NOSTRIN: variants seen among roughly 807,000 people sequenced by gnomAD.
The protein encoded by NOSTRIN is BM247 homolog.
In NOSTRIN, 63 loss-of-function variants were observed where a neutral mutation model predicts 59.0. That is an observed-to-expected ratio of 1.07 (90% confidence interval 0.87 to 1.32). The LOEUF is 1.32. NOSTRIN is among the 40% of genes most tolerant of loss of function. The pLI is 0.00. For missense variants in NOSTRIN, 512 were observed against 473.1 expected (o/e 1.08, Z -0.76); for synonymous variants, 200 against 165.4 (o/e 1.21, Z -1.61).
chr2:168,797,079 C>CTTTTCTTTTTTTTTTTTTT (rs1553519713), upstream of NOSTRIN, among the ~76,000 whole-genome samples: 12 of 75,052 alleles, frequency 1.6e-4, no homozygotes, highest in Non-Finnish European at 2.7e-4. Flanking sequence ...TTTCTTTTTT[C>CTTTTCTTTTTTTTTTTTTT]TTTTTTTTTT....
At chr2:168,832,522 A>G (rs1018144010) in intron 6 of NOSTRIN, among the ~76,000 whole-genome samples, 3 of 152,192 alleles carry the variant, frequency 2.0e-5, no homozygotes, top group Non-Finnish European at 4.4e-5. Context: ...CCAAATAACT[A>G]GAGACAGACG....
At chr2:168,855,817 GT>G in intron 11 of NOSTRIN, 2 of 442,238 alleles carry the variant, frequency 4.5e-6, no homozygotes, top group Admixed American at 2.7e-5. Flanking sequence ...TTTTGGATGA[GT>G]TTTTTGGTTT....
At chr2:168,803,116 A>G (rs759199861) in intron 1 of NOSTRIN, among the ~76,000 whole-genome samples, 5 of 152,186 alleles carry the variant, frequency 3.3e-5, no homozygotes, top group Non-Finnish European at 5.9e-5. Context: ...GTCAAGGATC[A>G]CAAGTCCTGC....
intron 2 of NOSTRIN, among the ~76,000 whole-genome samples, chr2:168,813,430 C>T (rs1686248549): frequency 6.6e-6 from 1 of 152,150 alleles, no homozygotes; most frequent in South Asian, 2.1e-4. Flanking sequence ...CTGCTTGAAG[C>T]CTGTCTCACT....
At chr2:168,858,204 A>G (rs982215989) in intron 12 of NOSTRIN, among the ~76,000 whole-genome samples, 2 of 152,260 alleles carry the variant, frequency 1.3e-5, no homozygotes, top group African/African-American at 4.8e-5. Context: ...TCTCACCTGA[A>G]GCACACAGTG....
chr2:168,827,960 G>A (rs182266094), intron 3 of NOSTRIN, among the ~76,000 whole-genome samples, 198 bp from the exon 4 acceptor site: 5 of 152,210 alleles, frequency 3.3e-5, no homozygotes, highest in Non-Finnish European at 7.4e-5. Flanking sequence ...TGGGAAAAAA[G>A]CAGTATATAT....
chr2:168,795,021 C>CA (rs1264169739), upstream of NOSTRIN, among the ~76,000 whole-genome samples: 4 of 152,214 alleles, frequency 2.6e-5, no homozygotes, highest in African/African-American at 7.2e-5. Flanking sequence ...CAGTTGCTGT[C>CA]ACAGGAAAAA....
intron 11 of NOSTRIN, 123 bp from the exon 12 acceptor site, chr2:168,856,567 T>G (rs2105777687): frequency 1.4e-6 from 1 of 734,754 alleles, no homozygotes; most frequent in Non-Finnish European, 2.2e-6. Flanking sequence ...AGAGCAAGAC[T>G]CCGTCTTAAA....
intron 2 of NOSTRIN, among the ~76,000 whole-genome samples, chr2:168,792,044 A>G (rs907377944): frequency 2.0e-5 from 3 of 152,110 alleles, no homozygotes; most frequent in Non-Finnish European, 4.4e-5. Context: ...TGTTTTAGAC[A>G]TGAAGTCCTT....
intron 2 of NOSTRIN, among the ~76,000 whole-genome samples, chr2:168,818,542 A>C (rs1250053048): frequency 6.6e-6 from 1 of 152,270 alleles, no homozygotes; most frequent in African/African-American, 2.4e-5. Context: ...TTAGTTTTAC[A>C]AAAGCAGGAT....
chr2:168,830,939 A>C (rs1193900648), intron 5 of NOSTRIN, among the ~76,000 whole-genome samples: 1 of 152,182 alleles, frequency 6.6e-6, no homozygotes, highest in Non-Finnish European at 1.5e-5. Flanking sequence ...GATTAGAAAT[A>C]ATTATTTTAC....
In NOSTRIN at chr2:168,855,335, C is replaced by T. The variant is rs1689014450; in HGVS notation, c.856-17C>T. 7.2e-7 allele frequency: 1 copy of T among 1,381,198 alleles called. No individual in the cohort carries two copies. The highest frequency in any genetic ancestry group is 1.3e-5 in the South Asian group (1 of 78,972). 85.6% of individuals were successfully genotyped at this position (1,381,198 alleles called of 1,614,324 possible). On this transcript the variant is annotated splice_polypyrimidine_tract_variant and intron_variant, in intron 10 of 15. Coordinates refer to ENST00000317647, the MANE Select transcript of NOSTRIN (RefSeq NM_001039724.4). ...TACTTCTTCCCCCTTGTTAGACATC[C>T]TTCTTTTTTCCTAAAGGAAGAAGAT...
At chr2:168,794,265 C>G (rs543776674), upstream of NOSTRIN, among the ~76,000 whole-genome samples, 3 of 151,836 alleles carry the variant, frequency 2.0e-5, no homozygotes, top group Non-Finnish European at 4.4e-5. Context: ...TGAAAGAACT[C>G]GTGTTTTTCA....
chr2:168,805,533 T>C (rs1185959766), intron 1 of NOSTRIN, among the ~76,000 whole-genome samples: 3 of 152,216 alleles, frequency 2.0e-5, no homozygotes, highest in Non-Finnish European at 2.9e-5. Flanking sequence ...AAAGTATTAA[T>C]AGCACCTTCC....
chr2:168,811,414 C>T (rs1006091770), intron 1 of NOSTRIN, 153 bp from the exon 2 acceptor site: 2 of 407,714 alleles, frequency 4.9e-6, no homozygotes, highest in East Asian at 4.0e-5. Flanking sequence ...ATTTTAAGAA[C>T]TCATCCAAAA....
At chr2:168,842,346 A>G (rs755127257) in intron 7 of NOSTRIN, among the ~76,000 whole-genome samples, 30 of 152,112 alleles carry the variant, frequency 2.0e-4, no homozygotes, top group Non-Finnish European at 3.2e-4. Flanking sequence ...CTGAATTCTC[A>G]AAGCAACCCG....
intron 4 of NOSTRIN, 93 bp from the exon 5 acceptor site, chr2:168,828,327 A>G (rs1687167437): frequency 1.2e-6 from 1 of 864,282 alleles, no homozygotes; most frequent in Non-Finnish European, 2.0e-6. Flanking sequence ...TAGGTGTTCC[A>G]TAACACACTA....
chr2:168,844,322 A>G (rs1347212991), intron 8 of NOSTRIN, among the ~76,000 whole-genome samples: 1 of 152,192 alleles, frequency 6.6e-6, no homozygotes, highest in Non-Finnish European at 1.5e-5. Context: ...TGACCAAATT[A>G]AATAACTATC....
rs145671985 is a variant in NOSTRIN, at chr2:168,804,022, A to T, written c.27+1349A>T. Reference sequence around the variant, plus strand: ...TGGCACTAATAGTAACCAAAGAAGAAAATTAACACCAGGGAAGGGTGCAAT... The same window carrying T: ...TGGCACTAATAGTAACCAAAGAAGATAATTAACACCAGGGAAGGGTGCAAT... On this transcript the variant is annotated intron_variant, in intron 1 of 15. Coordinates refer to ENST00000317647, the MANE Select transcript of NOSTRIN (RefSeq NM_001039724.4). 3.9e-3 allele frequency among the ~76,000 whole-genome samples: 588 copies of T among 152,368 alleles called. 4 individuals are homozygous for T. Among genetic ancestry groups the T allele is most frequent in the African/African-American group, 0.013 (556 of 41,584 alleles).
Sources: gnomAD v4.1 joint callset for allele counts (sites outside exome capture counted in the v4.1 genomes callset) on GRCh38, gnomAD v4.1.1 for gene constraint, MANE v1.5 for transcripts, NCBI Gene and HGNC (gene_info 2026-07-23, HGNC 2026-07-21) for gene names.